The following EXT1 variants were observed in gnomAD, a reference collection of about 807,000 sequenced individuals.
EXT1 encodes exostosin glycosyltransferase 1, also known as exostosin-1.
EXT1 carries 20 observed loss-of-function variants against 82.5 expected under a neutral mutation model. The ratio of observed to expected loss-of-function variants is 0.24; its 90% CI spans 0.17 to 0.35. The LOEUF is 0.35. Among genes scored for constraint, EXT1 ranks in the 10% least tolerant of loss-of-function variants. The pLI is 1.00. For missense variants in EXT1, 757 were observed against 936.5 expected (o/e 0.81, Z 2.50); for synonymous variants, 348 against 350.8 (o/e 0.99, Z 0.09).
intron 1 of EXT1, among the ~76,000 whole-genome samples, chr8:117,893,615 G>A (rs1369639168): frequency 2.6e-5 from 4 of 152,206 alleles, no homozygotes; most frequent in African/African-American, 9.7e-5. Flanking sequence ...CCCCCGTGAT[G>A]CTGAACACTT....
At chr8:117,909,204 C>G (rs1236566017) in intron 1 of EXT1, among the ~76,000 whole-genome samples, 1 of 152,106 alleles carries the variant, frequency 6.6e-6, no homozygotes, top group Non-Finnish European at 1.5e-5. Flanking sequence ...TAATTGCAAC[C>G]TATTCTAAAC....
chr8:117,808,633 T>A (rs915995640), intron 8 of EXT1, among the ~76,000 whole-genome samples: 2 of 152,190 alleles, frequency 1.3e-5, no homozygotes, highest in Non-Finnish European at 2.9e-5. Context: ...ATATTTTGAG[T>A]CCTGGCACTG....
chr8:118,037,836 GTTTTTTT>G (rs58862041), intron 1 of EXT1, among the ~76,000 whole-genome samples: 4 of 107,436 alleles, frequency 3.7e-5, no homozygotes, highest in Non-Finnish European at 5.5e-5. Context: ...AGTGTTTTTT[GTTTTTTT>G]TTTTTTTTTT....
At position 117,984,862 on chromosome 8, in the gene EXT1, T is replaced by C. The variant is rs150741882; in HGVS notation, c.962+125223A>G. Among the ~76,000 whole-genome samples the C allele has an allele frequency of 5.8e-4, 89 of 152,160 alleles. No individual in the cohort carries two copies. In the East Asian group the frequency reaches 0.015, roughly 26 times the overall value. ...CAAAATGAGGAGGAAACATTAACAG[T>C]TTCCACCACCTCAAAAATGATCAAC... On this transcript the variant is annotated intron_variant, in intron 1 of 10. Transcript: ENST00000378204.
intron 1 of EXT1, among the ~76,000 whole-genome samples, chr8:117,888,076 C>G (rs1185173808): frequency 6.6e-6 from 1 of 150,814 alleles, no homozygotes; most frequent in Admixed American, 6.6e-5. Context: ...CAAGATGAAA[C>G]TCCATCTCAA....
chr8:117,933,339 C>T (rs920284516), intron 1 of EXT1, among the ~76,000 whole-genome samples: 1 of 151,116 alleles, frequency 6.6e-6, no homozygotes, highest in African/African-American at 2.4e-5. Flanking sequence ...CTCCACCTCT[C>T]GGGTTCAAGC....
intron 1 of EXT1, among the ~76,000 whole-genome samples, chr8:117,923,876 G>A (rs1356333373): frequency 2.6e-5 from 4 of 152,222 alleles, no homozygotes; most frequent in Admixed American, 2.0e-4. Flanking sequence ...TCTTGGCTCA[G>A]TGGGAATGAG....
Position 118,110,948 on chromosome 8 carries a change from G to C in EXT1, c.99C>G (p.Ser33Arg), listed in dbSNP as rs147654656. ...CGCTGTGTTCTTCTCTCCGGCTGTG[G>C]CTCCTCGATGCCCTAAACTGCAAGC... Reference protein sequence around the residue: ...FGGLQFRASRSHSRREEHSGR... With the variant: ...FGGLQFRASRRHSRREEHSGR... The change falls in exon 1 of 11, where the codon AGC (serine) becomes AGG (arginine). Residue 33 changes from serine (S) to arginine (R), a missense_variant. By Grantham distance (110) the Ser-to-Arg change is moderately radical (BLOSUM62 -1). Around this residue, in one of 4 missense-constraint regions of EXT1, gnomAD observed 175 missense variants for 159.0 expected, o/e 1.10. Coordinates refer to ENST00000378204, the MANE Select transcript of EXT1 (RefSeq NM_000127.3). The C allele has an allele frequency of 1.9e-6, 3 of 1,613,122 alleles. No individual in the cohort carries two copies. The highest frequency in any genetic ancestry group is 2.5e-6 in the Non-Finnish European group (3 of 1,180,030).
intron 1 of EXT1, among the ~76,000 whole-genome samples, chr8:117,848,072 GAT>G (rs1812393754): frequency 6.6e-6 from 1 of 152,162 alleles, no homozygotes; most frequent in Non-Finnish European, 1.5e-5. Flanking sequence ...TGTGTAGGCT[GAT>G]ATAGCACATT....
At chr8:117,820,799 A>G (rs368986372) in intron 5 of EXT1, among the ~76,000 whole-genome samples, 23 of 152,238 alleles carry the variant, frequency 1.5e-4, no homozygotes, top group African/African-American at 5.3e-4. Context: ...CATCACCCTC[A>G]CCAACATTAT....
At chr8:118,079,623 T>C (rs971216951) in intron 1 of EXT1, among the ~76,000 whole-genome samples, 1 of 152,146 alleles carries the variant, frequency 6.6e-6, no homozygotes, top group African/African-American at 2.4e-5. Context: ...TTCTTTTGGA[T>C]ACAAAGAATC....
chr8:117,874,006 T>C (rs1333524688), intron 1 of EXT1, among the ~76,000 whole-genome samples: 2 of 152,184 alleles, frequency 1.3e-5, no homozygotes, highest in African/African-American at 2.4e-5. Context: ...GGTATCTCCT[T>C]TGACTAACAT....
chr8:117,955,506 AC>A (rs747010148), intron 1 of EXT1, among the ~76,000 whole-genome samples: 8 of 152,100 alleles, frequency 5.3e-5, no homozygotes, highest in Admixed American at 6.5e-5. Flanking sequence ...CATTCTTATC[AC>A]CTCTATCACT....
At chr8:118,090,232 G>A (rs373087193) in intron 1 of EXT1, among the ~76,000 whole-genome samples, 1 of 151,948 alleles carries the variant, frequency 6.6e-6, no homozygotes, top group East Asian at 1.9e-4. Context: ...GACCAGCCCG[G>A]GCAACACAGG....
intron 1 of EXT1, among the ~76,000 whole-genome samples, chr8:117,934,969 A>T (rs1480846926): frequency 6.6e-6 from 1 of 152,224 alleles, no homozygotes; most frequent in Non-Finnish European, 1.5e-5. Flanking sequence ...AACTTAGCAG[A>T]ACACAGCTTA....
At chr8:117,830,850 T>C (rs1812086540) in intron 3 of EXT1, among the ~76,000 whole-genome samples, 1 of 152,202 alleles carries the variant, frequency 6.6e-6, no homozygotes, top group African/African-American at 2.4e-5. Context: ...GTCACTTTTA[T>C]GTGCACATAC....
chr8:117,867,260 G>GAAAAAAAAAAAAAAAAAAAA (rs372575361), intron 1 of EXT1, among the ~76,000 whole-genome samples: 6 of 98,898 alleles, frequency 6.1e-5, no homozygotes, highest in East Asian at 3.3e-4. Flanking sequence ...CTCCACCTCA[G>GAAAAAAAAAAAAAAAAAAAA]AAAAAAAAAA....
intron 1 of EXT1, among the ~76,000 whole-genome samples, chr8:117,986,798 T>C (rs150459895): frequency 6.6e-6 from 1 of 152,322 alleles, no homozygotes; most frequent in African/African-American, 2.4e-5. Context: ...CAGTCAGTCA[T>C]AAATCTTAAG....
chr8:117,887,003 T>A (rs1813157629), intron 1 of EXT1, among the ~76,000 whole-genome samples: 1 of 152,226 alleles, frequency 6.6e-6, no homozygotes, highest in Non-Finnish European at 1.5e-5. Context: ...TTTCTGTACC[T>A]TAATATGCAT....
Sources: allele counts gnomAD v4.1 joint callset (sites outside exome capture counted in the v4.1 genomes callset), GRCh38; gene constraint gnomAD v4.1.1; regional missense constraint gnomAD v4.1.1; transcripts MANE v1.5; gene names NCBI Gene and HGNC (gene_info 2026-07-23, HGNC 2026-07-21).